PADI6: variants seen among roughly 807,000 people sequenced by gnomAD.
PADI6 encodes peptidyl arginine deiminase 6.
Under a neutral mutation model 78.2 loss-of-function variants are expected in PADI6, and 66 were observed. That is an observed-to-expected ratio of 0.84 (90% CI 0.69 to 1.04). PADI6 has a LOEUF of 1.04. PADI6 is among the 50% of genes least tolerant of loss of function. The pLI is 0.00. For missense variants in PADI6, 854 were observed against 866.1 expected (o/e 0.99, Z 0.18); for synonymous variants, 397 against 346.9 (o/e 1.14, Z -1.60).
Position 17,381,060 on chromosome 1 carries a change from G to A in PADI6, c.449G>A (p.Trp150Ter), listed in dbSNP as rs1218841744. 6.2e-7 allele frequency: 1 copy of A among 1,601,628 alleles called. No homozygotes were observed. Among genetic ancestry groups the A allele is most frequent in the Admixed American group, 1.7e-5 (1 of 58,022 alleles). ...SDKQAKKKWIWGPSGWGAILL... is the reference protein window; with the variant it reads ...SDKQAKKKWI ...TCTCATTTGCAGAAAAAATGGATCT[G>A]GGGTCCCAGCGGTTGGGGTGCCATC... The change falls in exon 5 of 16, where the codon TGG (tryptophan) becomes TAG (stop). Residue 150 changes from tryptophan to a stop codon, truncating the protein, a stop_gained. Coordinates refer to ENST00000619609, the MANE Select transcript of PADI6 (RefSeq NM_207421.4). LOFTEE classifies it high-confidence loss of function.
intron 2 of PADI6, among the ~76,000 whole-genome samples, chr1:17,375,125 C>T (rs1171208934): frequency 6.6e-6 from 1 of 152,146 alleles, no homozygotes; most frequent in East Asian, 1.9e-4. Flanking sequence ...TTTCTTAAAT[C>T]CCTTTGGGAT....
Position 17,399,246 on chromosome 1 carries a change from C to T in PADI6, c.1851+399C>T, listed in dbSNP as rs111447330. Among the ~76,000 whole-genome samples the T allele has an allele frequency of 1.9e-3, 286 of 152,326 alleles. 1 individual carries two copies. Among genetic ancestry groups the T allele is most frequent in the African/African-American group, 6.3e-3 (260 of 41,582 alleles). ...CTACCTCAGGGTGGGTCTTCCTGTC[C>T]GCTATCTCCAGGGTCCAGGGCAGCA... On this transcript the variant is annotated intron_variant, in intron 15 of 15. Transcript: ENST00000619609.
At chr1:17,381,257 A>C (rs2075070226) in intron 5 of PADI6, 93 bp downstream of exon 5, 3 of 966,640 alleles carry the variant, frequency 3.1e-6, no homozygotes, top group African/African-American at 1.6e-5. Context: ...TCTCCACCCC[A>C]CCCCCGACAC....
intron 6 of PADI6, among the ~76,000 whole-genome samples, chr1:17,383,572 G>A (rs920064670): frequency 6.6e-6 from 1 of 152,260 alleles, no homozygotes; most frequent in Non-Finnish European, 1.5e-5. Flanking sequence ...TTCAGGCTGG[G>A]CGTGGTGGCT....
intron 6 of PADI6, among the ~76,000 whole-genome samples, 167 bp from the exon 7 acceptor site, chr1:17,388,214 C>T (rs995677352): frequency 6.6e-6 from 1 of 152,216 alleles, no homozygotes; most frequent in South Asian, 2.1e-4. Context: ...GGTTGTCTAC[C>T]AAGACCTGAA....
intron 6 of PADI6, among the ~76,000 whole-genome samples, chr1:17,386,934 G>C (rs774904837): frequency 7.9e-5 from 12 of 152,226 alleles, no homozygotes; most frequent in Non-Finnish European, 1.3e-4. Context: ...CCGTGCAGAA[G>C]GTCTGAGGAT....
intron 6 of PADI6, 96 bp downstream of exon 6, chr1:17,382,188 C>G (rs2075079453): frequency 6.9e-7 from 1 of 1,449,334 alleles, no homozygotes; most frequent in Non-Finnish European, 9.4e-7. Context: ...CAGCAGAAGC[C>G]TGCTGGAGAC....
At chr1:17,389,182 C>T (rs1057071249) in intron 8 of PADI6, among the ~76,000 whole-genome samples, 1 of 152,180 alleles carries the variant, frequency 6.6e-6, no homozygotes, top group Non-Finnish European at 1.5e-5. Context: ...GGATGAGAAC[C>T]TGTCCCAGGG....
chr1:17,381,840 C>T (rs1312431586), intron 5 of PADI6, 127 bp from the exon 6 acceptor site: 6 of 1,113,342 alleles, frequency 5.4e-6, no homozygotes, highest in African/African-American at 3.2e-5. Context: ...GGGCCTGGGC[C>T]CTAGCAAAAG....
chr1:17,393,708 C>G (rs948847158), intron 9 of PADI6, among the ~76,000 whole-genome samples: 5 of 152,070 alleles, frequency 3.3e-5, no homozygotes, highest in African/African-American at 1.2e-4. Context: ...TTCCTAGGCT[C>G]AAGTGATCCA....
rs2074968286 is a variant in PADI6 at position 17,372,229 on chromosome 1, G to A, written c.-17G>A. On this transcript the variant is annotated 5_prime_UTR_variant, in exon 1 of 16. Coordinates refer to ENST00000619609, the MANE Select transcript of PADI6 (RefSeq NM_207421.4). ...GAGGCTGCTGTGCTGAGTGAGGGCT[G>A]CGGTGCAGGCCTGAGGATGGTCAGC... 3 of 1,610,032 alleles carry A rather than the reference G, an allele frequency of 1.9e-6. No homozygotes were observed. Among genetic ancestry groups the A allele is most frequent in the Non-Finnish European group, 1.7e-6 (2 of 1,176,300 alleles).
chr1:17,395,424 G>A (rs1331208847), intron 12 of PADI6, 116 bp from the exon 13 acceptor site: 76 of 1,344,162 alleles, frequency 5.7e-5, no homozygotes, highest in Admixed American at 1.0e-4. Context: ...GGCTGGTCTC[G>A]AACTTCTGAC....
intron 13 of PADI6, 23 bp from the exon 14 acceptor site, chr1:17,397,048 C>G: frequency 6.2e-7 from 1 of 1,611,794 alleles, no homozygotes; most frequent in Non-Finnish European, 8.5e-7. Context: ...ACCAGCAGGC[C>G]TGCTGCCCGC....
intron 9 of PADI6, 81 bp from the exon 10 acceptor site, chr1:17,393,894 G>C (rs561386119): frequency 7.9e-7 from 1 of 1,264,634 alleles, no homozygotes; most frequent in South Asian, 1.2e-5. Flanking sequence ...GAAGGAAGGG[G>C]GTTCTTACCG....
chr1:17,385,557 G>T (rs933882632), intron 6 of PADI6, among the ~76,000 whole-genome samples: 12 of 152,098 alleles, frequency 7.9e-5, no homozygotes, highest in African/African-American at 2.9e-4. Context: ...TCTAGTCTGG[G>T]TTATGATCAT....
intron 3 of PADI6, among the ~76,000 whole-genome samples, chr1:17,378,290 G>A (rs2075037994): frequency 6.6e-6 from 1 of 152,144 alleles, no homozygotes; most frequent in Non-Finnish European, 1.5e-5. Flanking sequence ...AAGCTCTAAG[G>A]AGATGAGGTC....
intron 5 of PADI6, 57 bp from the exon 6 acceptor site, chr1:17,381,910 A>G: frequency 1.2e-6 from 2 of 1,605,600 alleles, no homozygotes; most frequent in Non-Finnish European, 1.7e-6. Context: ...TCTTCCCTCC[A>G]CCCCCAGAGT....
chr1:17,401,492 C>A lies in PADI6; in HGVS notation c.*54C>A. 1 of 1,433,574 alleles carries A rather than the reference C, an allele frequency of 7.0e-7. No individual in the cohort carries two copies. Among genetic ancestry groups the A allele is most frequent in the Non-Finnish European group, 9.7e-7 (1 of 1,032,578 alleles). The allele number at this position is 1,433,574 out of a possible 1,614,324, so 88.8% of individuals were successfully genotyped here. ...CCCAGCGTGGATGGCCCACTGTCAC[C>A]ATGCAACAGCATGATTCTTTGCCCA... On this transcript the variant is annotated 3_prime_UTR_variant, in exon 16 of 16. Coordinates refer to ENST00000619609, the MANE Select transcript of PADI6 (RefSeq NM_207421.4).
intron 5 of PADI6, among the ~76,000 whole-genome samples, chr1:17,381,446 G>A (rs923456795): frequency 6.6e-6 from 1 of 152,140 alleles, no homozygotes; most frequent in African/African-American, 2.4e-5. Context: ...TGTAAAATGG[G>A]GATGATGCAG....
Sources: allele counts gnomAD v4.1 joint callset (sites outside exome capture counted in the v4.1 genomes callset), GRCh38; gene constraint gnomAD v4.1.1; transcripts MANE v1.5; gene names NCBI Gene and HGNC (gene_info 2026-07-23, HGNC 2026-07-21).